The following SYNE2 variants were observed in gnomAD, a reference collection of about 807,000 sequenced individuals.
SYNE2 encodes the protein nesprin-2.
In SYNE2, 431 loss-of-function variants were observed where a neutral mutation model predicts 856.3. The observed-to-expected ratio is 0.50, with a 90% CI of 0.47 to 0.55. The LOEUF (loss-of-function observed/expected upper bound fraction) is 0.55, where lower values mean the gene tolerates loss of function less well. Ranked by LOEUF, SYNE2 falls within the 20% of genes least tolerant of loss-of-function variation. The pLI, the probability that SYNE2 is intolerant of heterozygous loss-of-function variation, is 0.00. For synonymous variants in SYNE2, 2,923 were observed against 2,872.3 expected (o/e 1.02, Z -0.56); for missense variants, 8,129 against 8,023.2 (o/e 1.01, Z -0.50).
At chr14:64,213,043 C>T in intron 105 of SYNE2, 38 bp downstream of exon 105, 1 of 1,610,512 alleles carries the variant, frequency 6.2e-7, no homozygotes, top group South Asian at 1.1e-5. Flanking sequence ...ACCTGGGCTG[C>T]TCAGAGTTTA....
At chr14:64,072,902 TTTAC>T (rs2097423873) in intron 52 of SYNE2, among the ~76,000 whole-genome samples, 1 of 152,098 alleles carries the variant, frequency 6.6e-6, no homozygotes, top group Admixed American at 6.5e-5. Flanking sequence ...AAGAAAACAC[TTTAC>T]TCATGTTTAC....
At chr14:64,137,031 A>G (rs1047356361) in intron 78 of SYNE2, among the ~76,000 whole-genome samples, 2 of 152,192 alleles carry the variant, frequency 1.3e-5, no homozygotes, top group Non-Finnish European at 2.9e-5. Context: ...CAGTTTTCCC[A>G]CAGACACTGG....
intron 19 of SYNE2, among the ~76,000 whole-genome samples, chr14:63,989,834 G>A (rs2096653713): frequency 6.6e-6 from 1 of 151,824 alleles, no homozygotes; most frequent in African/African-American, 2.4e-5. Context: ...ATTTTTAGTA[G>A]AGATGGGGTT....
intron 31 of SYNE2, among the ~76,000 whole-genome samples, chr14:64,009,125 C>A (rs1418948463): frequency 6.6e-6 from 1 of 152,092 alleles, no homozygotes; most frequent in African/African-American, 2.4e-5. Flanking sequence ...GTAACTTATC[C>A]AGAGTCTCAG....
At position 64,098,088 on chromosome 14, in the gene SYNE2, T is replaced by A. The variant is rs1019853835; in HGVS notation, c.12248T>A (p.Leu4083Gln). 1 of 1,614,198 alleles carries A rather than the reference T, an allele frequency of 6.2e-7. No individual in the cohort carries two copies. Among genetic ancestry groups the A allele is most frequent in the Non-Finnish European group, 8.5e-7 (1 of 1,180,018 alleles). ...QEQEGVERDR[L>Q]PAVTSEEGGV... ...CAAGAAGGAGTAGAAAGAGATAGGC[T>A]GCCAGCTGTAACATCAGAGGAAGGT... The change falls in exon 62 of 116, where the codon CTG (leucine) becomes CAG (glutamine). Residue 4083 changes from leucine (L) to glutamine (Q), a missense_variant. This residue lies in a region of SYNE2 where 5,410 missense variants were observed against 5,284.8 expected (regional missense o/e 1.02). Coordinates refer to ENST00000555002, the MANE Select transcript of SYNE2 (RefSeq NM_182914.3).
At position 64,022,802 on chromosome 14, in the gene SYNE2, A is replaced by G; in HGVS notation, c.5576A>G (p.Lys1859Arg). The change falls in exon 38 of 116, where the codon AAG becomes AGG. Residue 1859 changes from lysine (K) to arginine (R), a missense_variant. Lys to Arg is a conservative substitution (Grantham distance 26, BLOSUM62 2). Around this residue, in one of 3 missense-constraint regions of SYNE2, gnomAD observed 2,422 missense variants for 2,357.4 expected, o/e 1.03. Transcript: ENST00000555002. ...DWFSNIKVNL[K>R]ECFESSETKK... ...TTCAGCAACATTAAAGTGAACCTTA[A>G]GGAGTGTTTTGAATCATCAGAAACA... 1 of 1,612,532 alleles carries G rather than the reference A, an allele frequency of 6.2e-7. No individual in the cohort carries two copies. The highest frequency in any genetic ancestry group is 8.5e-7 in the Non-Finnish European group (1 of 1,178,834).
intron 74 of SYNE2, 91 bp from the exon 75 acceptor site, chr14:64,129,691 C>A: frequency 6.4e-7 from 1 of 1,573,032 alleles, no homozygotes; most frequent in Non-Finnish European, 8.6e-7. Flanking sequence ...CCCTTCATCC[C>A]TTTCTGTACT....
chr14:63,916,803 G>A (rs2095538403), intron 2 of SYNE2, among the ~76,000 whole-genome samples: 2 of 152,096 alleles, frequency 1.3e-5, no homozygotes, highest in Admixed American at 1.3e-4. Context: ...AAAGCTTCTC[G>A]GCTGGTGCAG....
intron 83 of SYNE2, among the ~76,000 whole-genome samples, chr14:64,144,923 C>CTTTT (rs573628737): frequency 1.8e-4 from 21 of 116,184 alleles, no homozygotes; most frequent in South Asian, 2.8e-4. Flanking sequence ...ATTGGGGCAG[C>CTTTT]TTTTTTTTTT....
At chr14:63,888,820 A>T (rs1016341860) in intron 1 of SYNE2, among the ~76,000 whole-genome samples, 1 of 152,214 alleles carries the variant, frequency 6.6e-6, no homozygotes, top group Non-Finnish European at 1.5e-5. Flanking sequence ...AGGCATTAAG[A>T]TTATTTCTGT....
chr14:64,200,352 C>G (rs542789039), intron 99 of SYNE2, among the ~76,000 whole-genome samples: 72 of 152,252 alleles, frequency 4.7e-4, no homozygotes, highest in Admixed American at 1.0e-3. Flanking sequence ...CCTTCCCCCA[C>G]CCCCGGGAAG....
chr14:63,950,084 C>A, intron 7 of SYNE2, 78 bp downstream of exon 7: 1 of 1,457,072 alleles, frequency 6.9e-7, no homozygotes, highest in Non-Finnish European at 9.6e-7. Flanking sequence ...CCAAACACCT[C>A]CCTCACTTAA....
intron 1 of SYNE2, among the ~76,000 whole-genome samples, chr14:63,905,851 A>G (rs2095403054): frequency 6.6e-6 from 1 of 152,068 alleles, no homozygotes; most frequent in Non-Finnish European, 1.5e-5. Context: ...AGGAGTGGTG[A>G]GAGTGGACAT....
intron 8 of SYNE2, among the ~76,000 whole-genome samples, chr14:63,955,446 A>G (rs1022727001): frequency 3.3e-5 from 5 of 152,252 alleles, no homozygotes; most frequent in Non-Finnish European, 7.3e-5. Flanking sequence ...ATTATAATTT[A>G]ACTTTATAAA....
intron 76 of SYNE2, among the ~76,000 whole-genome samples, chr14:64,130,913 TC>T (rs2098012749): frequency 6.6e-6 from 1 of 151,260 alleles, no homozygotes; most frequent in Admixed American, 6.6e-5. Context: ...GAAAAGGCTT[TC>T]CTGAGAACTA....
intron 2 of SYNE2, among the ~76,000 whole-genome samples, chr14:63,923,883 C>T (rs1158294868): frequency 2.6e-5 from 4 of 152,036 alleles, no homozygotes; most frequent in Admixed American, 1.3e-4. Flanking sequence ...ACTGCAATCT[C>T]TGCCTCCTGG....
chr14:64,186,322 C>T (rs2098490519), intron 96 of SYNE2, 102 bp from the exon 97 acceptor site: 3 of 1,491,886 alleles, frequency 2.0e-6, no homozygotes, highest in African/African-American at 1.4e-5. Context: ...CTCTCCTGGC[C>T]TCCCCTCCCC....
chr14:63,876,353 A>C (rs368194237), intron 1 of SYNE2, among the ~76,000 whole-genome samples: 1 of 152,046 alleles, frequency 6.6e-6, no homozygotes, highest in East Asian at 1.9e-4. Flanking sequence ...GTAGTAAGCT[A>C]TGATCATACT....
Position 64,065,625 on chromosome 14 carries a change from AGGAATGGAAAT to A in SYNE2, c.10407_10417del (p.Gln3469HisfsTer4). The stretch of plus-strand genomic sequence containing the variant: ...GAGATGTGGTGCGAAGAACTGAAGC[AGGAATGGAAAT>A]TTGTCAGTGAAGAAGTGAGTGCTTC... On this transcript the variant is annotated frameshift_variant, in exon 51 of 116. Transcript: ENST00000555002. LOFTEE classifies it high-confidence loss of function. 6.2e-7 allele frequency: 1 copy of A among 1,614,210 alleles called. No individual in the cohort carries two copies. The highest frequency in any genetic ancestry group is 8.5e-7 in the Non-Finnish European group (1 of 1,180,042).
Sources: allele counts gnomAD v4.1 joint callset (sites outside exome capture counted in the v4.1 genomes callset), GRCh38; gene constraint gnomAD v4.1.1; regional missense constraint gnomAD v4.1.1; transcripts MANE v1.5; gene names NCBI Gene and HGNC (gene_info 2026-07-23, HGNC 2026-07-21).